Variants in NLRP2 observed in about 807,000 individuals in gnomAD.
The protein encoded by NLRP2 is NACHT, LRR and PYD domains-containing protein 2.
A neutral mutation model predicts 97.2 loss-of-function variants in NLRP2; 107 were observed. That is an observed-to-expected ratio of 1.10 (90% CI 0.94 to 1.29). The LOEUF (loss-of-function observed/expected upper bound fraction) is 1.29, where lower values mean the gene tolerates loss of function less well. Among genes scored for constraint, NLRP2 ranks in the 50% most tolerant of loss-of-function variants. The probability of loss-of-function intolerance (pLI) is 0.00; values close to 1 mark genes in which losing one functional copy is unlikely to be tolerated. For missense variants in NLRP2, 1,495 were observed against 1,330.3 expected, an observed-to-expected ratio of 1.12 and a Z score of -1.93; for synonymous variants, 663 against 551.5, an observed-to-expected ratio of 1.20 and a Z score of -2.83.
chr19:54,981,738 T>TG lies in NLRP2; in HGVS notation c.463+57dup, dbSNP rs1363218810. ...GGGATCAGATTTCTCTTTATAAACTTGAAGTCCTCTTAACTTTCCTATGTA... is the reference window on the plus strand; with the variant it reads ...GGGATCAGATTTCTCTTTATAAACTTGGAAGTCCTCTTAACTTTCCTATGTA... On this transcript the variant is annotated intron_variant, in intron 5 of 12. Coordinates refer to ENST00000448584, the MANE Select transcript of NLRP2 (RefSeq NM_017852.5). The TG allele has an allele frequency of 5.2e-6, 5 of 962,110 alleles. No individual in the cohort carries two copies. The African/African-American group carries it at 8.0e-5, about 15-fold the overall frequency. 59.6% of individuals were successfully genotyped at this position (962,110 alleles called of 1,614,324 possible).
rs779775454 is a variant in NLRP2, at chr19:54,977,737, G to A, written c.326-15G>A. On this transcript the variant is annotated splice_polypyrimidine_tract_variant and intron_variant, in intron 3 of 12. Coordinates refer to ENST00000448584, the MANE Select transcript of NLRP2 (RefSeq NM_017852.5). ...AGCACAGCAACAGGCCTGTAATGCC[G>A]CCCTTTTTCTCCAGGGATAACACGG... 37 of 1,613,314 alleles carry A rather than the reference G, an allele frequency of 2.3e-5. No individual in the cohort carries two copies. Among genetic ancestry groups the A allele is most frequent in the South Asian group, 2.0e-4 (18 of 91,070 alleles).
In NLRP2 at chr19:54,990,597, A is replaced by AC. The variant is rs770914874; in HGVS notation, c.2637dup (p.Ile880HisfsTer11). 1.1e-5 allele frequency: 17 copies of AC among 1,614,056 alleles called. No individual in the cohort carries two copies. Among genetic ancestry groups the AC allele is most frequent in the East Asian group, 6.7e-5 (3 of 44,876 alleles). On this transcript the variant is annotated frameshift_variant, in exon 10 of 13. Coordinates refer to ENST00000448584, the MANE Select transcript of NLRP2 (RefSeq NM_017852.5). LOFTEE classifies it high-confidence loss of function. ...CTGACACACCTGTGCTTGGCCAAGA[A>AC]CCCCATTGGGAATACAGGGGTGAAG...
intron 11 of NLRP2, among the ~76,000 whole-genome samples, chr19:54,994,943 A>G (rs1179931055): frequency 2.6e-5 from 4 of 151,722 alleles, no homozygotes; most frequent in African/African-American, 9.7e-5. Context: ...CATGCAAAGA[A>G]CACCTGTGAA....
At chr19:54,997,607 C>T in intron 12 of NLRP2, 120 bp downstream of exon 12, 1 of 1,010,766 alleles carries the variant, frequency 9.9e-7, no homozygotes, top group South Asian at 1.3e-5. Flanking sequence ...TTCCCGCCAT[C>T]ACACCCAGCC....
chr19:54,983,432 A>G lies in NLRP2; in HGVS notation c.1734A>G (p.Ser578=). ...ELEATFGCRM[S]PDIKQELLRC... ...AGGCCACTTTTGGCTGCCGGATGTC[A>G]CCGGACATCAAACAGGAATTGCTGC... The change falls in exon 6 of 13, where the codon TCA becomes TCG. Residue 578 remains serine, a synonymous_variant. Transcript: ENST00000448584. The G allele has an allele frequency of 1.9e-6, 3 of 1,614,182 alleles. No individual in the cohort carries two copies. The highest frequency in any genetic ancestry group is 2.5e-6 in the Non-Finnish European group (3 of 1,180,042).
intron 8 of NLRP2, 95 bp from the exon 9 acceptor site, chr19:54,989,927 G>A (rs1370691384): frequency 7.3e-7 from 1 of 1,364,344 alleles, no homozygotes; most frequent in Admixed American, 1.7e-5. Context: ...GGAGGCGGAG[G>A]TTGCTGTGAG....
chr19:54,982,330 T>C lies in NLRP2; in HGVS notation c.632T>C (p.Leu211Pro). The C allele has an allele frequency of 6.2e-7, 1 of 1,614,044 alleles. No homozygotes were observed. Residue 211 changes from leucine (L) to proline (P), a missense_variant, in exon 6 of 13, where the codon CTG becomes CCG. Coordinates refer to ENST00000448584, the MANE Select transcript of NLRP2 (RefSeq NM_017852.5). ...LPGPFSYTVV[L>P]YGPAGLGKTT... ...GGGCCCTTCTCATACACGGTGGTGCTGTATGGTCCTGCAGGCCTTGGGAAA... is the reference window on the plus strand; with the variant it reads ...GGGCCCTTCTCATACACGGTGGTGCCGTATGGTCCTGCAGGCCTTGGGAAA...
chr19:54,985,249 C>T, intron 7 of NLRP2, 32 bp downstream of exon 7: 1 of 1,597,736 alleles, frequency 6.3e-7, no homozygotes, highest in Non-Finnish European at 8.6e-7. Context: ...AACTCAAATC[C>T]TTAGGGTATG....
Position 54,989,440 on chromosome 19 carries a change from C to T in NLRP2, c.2367-582C>T, listed in dbSNP as rs144411935. 195 of 162,220 alleles carry T rather than the reference C, an allele frequency of 1.2e-3. 3 individuals are homozygous for T. Among genetic ancestry groups the T allele is most frequent in the Middle Eastern group, 3.2e-3 (1 of 310 alleles). The allele number at this position is 162,220 out of a possible 1,614,324, so 10.0% of individuals were successfully genotyped here. ...TGAGCTGAGATCGCGCCACTACACT[C>T]CAGCCAGGGCGACAGAGCATAAATA... On this transcript the variant is annotated intron_variant, in intron 8 of 12. Coordinates refer to ENST00000448584, the MANE Select transcript of NLRP2 (RefSeq NM_017852.5).
chr19:54,984,075 T>TC (rs1339100663), intron 6 of NLRP2, among the ~76,000 whole-genome samples: 1 of 151,916 alleles, frequency 6.6e-6, no homozygotes, highest in Non-Finnish European at 1.5e-5. Context: ...GGTCTTGAAC[T>TC]CCGCCTGACC....
chr19:54,994,342 TTG>T lies in NLRP2; in HGVS notation c.2786_2787del (p.Cys929PhefsTer11). ...TKLLQEKSSLLCLDLGLNHIG... is the reference protein window; with the variant it reads ...TKLLQEKSSLXCLDLGLNHIG... ...GCTTCTCCAAGAAAAATCAAGCCTG[TTG>T]TGTTTGGATCTGGGGCTGAATCACA... is the stretch of plus-strand genomic sequence containing the variant. On this transcript the variant is annotated frameshift_variant, in exon 11 of 13. Coordinates refer to ENST00000448584, the MANE Select transcript of NLRP2 (RefSeq NM_017852.5). LOFTEE classifies it high-confidence loss of function. 1 of 1,614,038 alleles carries T rather than the reference TTG, an allele frequency of 6.2e-7. No homozygotes were observed. Among genetic ancestry groups the T allele is most frequent in the East Asian group, 2.2e-5 (1 of 44,888 alleles).
At chr19:54,974,428 T>C in intron 2 of NLRP2, 72 bp from the exon 3 acceptor site, 2 of 1,092,100 alleles carry the variant, frequency 1.8e-6, no homozygotes, top group Middle Eastern at 2.1e-4. Flanking sequence ...GTGTCATCTT[T>C]TCTTTTATGA....
chr19:54,996,972 A>ATCTCGGC (rs922169032), intron 11 of NLRP2, among the ~76,000 whole-genome samples: 77 of 152,074 alleles, frequency 5.1e-4, no homozygotes, highest in African/African-American at 1.9e-3. Flanking sequence ...CAATGGCGCG[A>ATCTCGGC]TCTCGGCTCA....
Position 54,986,258 on chromosome 19 carries a change from T to C in NLRP2, c.2309T>C (p.Met770Thr), listed in dbSNP as rs146632517. Reference protein sequence around the residue: ...LTLQGNDQDDMFPALCEVLRH... With the variant: ...LTLQGNDQDDTFPALCEVLRH... ...CTTCAAGGCAATGACCAGGATGATA[T>C]GTTTCCCGCATTGTGTGAGGTCTTG... is the stretch of plus-strand genomic sequence containing the variant. Residue 770 changes from methionine (M) to threonine (T), a missense_variant, in exon 8 of 13, where the codon ATG (methionine) becomes ACG (threonine). Coordinates refer to ENST00000448584, the MANE Select transcript of NLRP2 (RefSeq NM_017852.5). The C allele has an allele frequency of 1.4e-5, 23 of 1,613,992 alleles. No homozygotes were observed. In the African/African-American group the frequency reaches 1.7e-4, roughly 12 times the overall value.
In NLRP2 at chr19:54,977,904, C is replaced by G; in HGVS notation, c.397+81C>G. ...TGCTATCTCCTGTTCCTTTGAAGAA[C>G]CCCATCTCTCTCCAATCTTTTCCTC... is the stretch of plus-strand genomic sequence containing the variant. On this transcript the variant is annotated intron_variant, in intron 4 of 12. Transcript: ENST00000448584. 5.6e-6 allele frequency: 7 copies of G among 1,241,830 alleles called. 1 individual carries two copies. The South Asian group carries it at 8.5e-5, about 15-fold the overall frequency. 76.9% of individuals were successfully genotyped at this position (1,241,830 alleles called of 1,614,324 possible).
Position 54,983,262 on chromosome 19 carries a change from G to A in NLRP2, c.1564G>A (p.Glu522Lys), listed in dbSNP as rs1183506640. The A allele has an allele frequency of 1.3e-6, 2 of 1,596,158 alleles. No homozygotes were observed. Among genetic ancestry groups the A allele is most frequent in the Non-Finnish European group, 1.7e-6 (2 of 1,169,926 alleles). ...GTTCTACACCCTGGAGAAGGAGGAG[G>A]AAGAGGATAGGGACGGCCACACCTG... Reference protein sequence around the residue: ...ALFYTLEKEEEEDRDGHTWDI... With the variant: ...ALFYTLEKEEKEDRDGHTWDI... The change falls in exon 6 of 13, where the codon GAA becomes AAA. Residue 522 changes from glutamate (E) to lysine (K), a missense_variant. Physicochemically the swap from Glu to Lys is moderately conservative, Grantham distance 56 (BLOSUM62 1). Coordinates refer to ENST00000448584, the MANE Select transcript of NLRP2 (RefSeq NM_017852.5).
Position 55,000,796 on chromosome 19 carries a change from G to A in NLRP2, c.3087G>A (p.Lys1029=). The change falls in exon 13 of 13, where the codon AAG becomes AAA. Residue 1029 remains lysine, a synonymous_variant. Transcript: ENST00000448584. ...ATGACTTTAATGATGAACTCAATAA[G>A]CTGCTGGAAGAAATAGAAGAAAAAA... The part of the protein sequence containing the change: ...KIDDFNDELN[K]LLEEIEEKNP... 1 of 1,613,684 alleles carries A rather than the reference G, an allele frequency of 6.2e-7. No homozygotes were observed. The highest frequency in any genetic ancestry group is 2.2e-5 in the East Asian group (1 of 44,872).
intron 11 of NLRP2, 70 bp from the exon 12 acceptor site, chr19:54,997,246 TG>T: frequency 1.3e-6 from 2 of 1,502,672 alleles, no homozygotes; most frequent in South Asian, 1.1e-5. Flanking sequence ...CACACGAGGG[TG>T]GGCTTGGCTT....
At position 54,990,497 on chromosome 19, in the gene NLRP2, T is replaced by C. The variant is rs1417505812; in HGVS notation, c.2538-5T>C. 9 of 1,614,048 alleles carry C rather than the reference T, an allele frequency of 5.6e-6. No homozygotes were observed. Among genetic ancestry groups the C allele is most frequent in the Non-Finnish European group, 6.8e-6 (8 of 1,180,026 alleles). ...ACCGTGTTGCCATTTGTGATTCTTT[T>C]GTAGGTTGGAAAACTGTCACCTTAC... is the stretch of plus-strand genomic sequence containing the variant. On this transcript the variant is annotated splice_region_variant and splice_polypyrimidine_tract_variant and intron_variant, in intron 9 of 12. Transcript: ENST00000448584.
Sources: gnomAD v4.1 joint callset for allele counts (sites outside exome capture counted in the v4.1 genomes callset) on GRCh38, gnomAD v4.1.1 for gene constraint, MANE v1.5 for transcripts, NCBI Gene and HGNC (gene_info 2026-07-23, HGNC 2026-07-21) for gene names.